Variants in CCDC25 observed in about 807,000 individuals in gnomAD.
CCDC25 encodes coiled-coil domain containing 25.
CCDC25 carries 16 observed loss-of-function variants against 35.3 expected under a neutral mutation model. That is an observed-to-expected ratio of 0.45 (90% CI 0.31 to 0.69). CCDC25 has a LOEUF of 0.69. Among genes scored for constraint, CCDC25 ranks in the 30% least tolerant of loss-of-function variants. The probability of loss-of-function intolerance (pLI) is 0.06; values close to 1 mark genes in which losing one functional copy is unlikely to be tolerated. For synonymous variants in CCDC25, 79 were observed against 80.3 expected, an observed-to-expected ratio of 0.98 and a Z score of 0.09; for missense variants, 179 against 250.7, an observed-to-expected ratio of 0.71 and a Z score of 1.93.
chr8:27,742,451 C>A (rs534799317), intron 7 of CCDC25, among the ~76,000 whole-genome samples: 1 of 152,366 alleles, frequency 6.6e-6, no homozygotes, highest in East Asian at 1.9e-4. Context: ...TCAGTCCTGA[C>A]TGCATCTGAA....
At chr8:27,750,382 G>A (rs970699433) in intron 5 of CCDC25, among the ~76,000 whole-genome samples, 4 of 152,168 alleles carry the variant, frequency 2.6e-5, no homozygotes, top group Admixed American at 2.0e-4. Context: ...TCTATAAAAT[G>A]AAAATAATAT....
intron 8 of CCDC25, among the ~76,000 whole-genome samples, chr8:27,738,314 C>T (rs554547478): frequency 4.8e-4 from 73 of 152,174 alleles, no homozygotes; most frequent in Non-Finnish European, 7.9e-4. Flanking sequence ...TAACAGAAGA[C>T]GGTTACAAGG....
At chr8:27,767,851 C>G (rs2128947822) in intron 1 of CCDC25, among the ~76,000 whole-genome samples, 1 of 151,724 alleles carries the variant, frequency 6.6e-6, no homozygotes, top group East Asian at 1.9e-4. Context: ...AAGGTGTGTG[C>G]AAGAGAAAAA....
chr8:27,762,909 A>C (rs1259650610), intron 2 of CCDC25, among the ~76,000 whole-genome samples: 1 of 152,190 alleles, frequency 6.6e-6, no homozygotes, highest in East Asian at 1.9e-4. Flanking sequence ...AGAAGTATAA[A>C]AAGAAAATAA....
chr8:27,757,148 AAAGG>A (rs1183157824), intron 3 of CCDC25, among the ~76,000 whole-genome samples: 1 of 152,206 alleles, frequency 6.6e-6, no homozygotes, highest in Non-Finnish European at 1.5e-5. Flanking sequence ...AAAACCAAGG[AAAGG>A]AATTTCAGGT....
rs976685483 is a variant in CCDC25, at chr8:27,741,127, C to A, written c.552-610G>T. ...GTGGGAAATCAGGCTGGATGTGGTG[C>A]CCAATTATGTTGTCTTGATTGCACG... On this transcript the variant is annotated intron_variant, in intron 7 of 8. Transcript: ENST00000356537. 3.9e-5 allele frequency among the ~76,000 whole-genome samples: 6 copies of A among 152,130 alleles called. No individual in the cohort carries two copies. In the South Asian group the frequency reaches 1.2e-3, roughly 32 times the overall value.
intron 5 of CCDC25, among the ~76,000 whole-genome samples, chr8:27,750,291 AT>A (rs1343942433): frequency 6.6e-6 from 1 of 152,242 alleles, no homozygotes; most frequent in African/African-American, 2.4e-5. Flanking sequence ...ATGGGTTGAC[AT>A]CAAATCCAGT....
chr8:27,747,910 T>G, intron 7 of CCDC25, 167 bp downstream of exon 7: 1 of 629,342 alleles, frequency 1.6e-6, no homozygotes, highest in Non-Finnish European at 2.8e-6. Flanking sequence ...AACCAACACA[T>G]TAATATAAAT....
intron 7 of CCDC25, among the ~76,000 whole-genome samples, chr8:27,746,999 CT>C: frequency 6.6e-6 from 1 of 152,186 alleles, no homozygotes; most frequent in East Asian, 1.9e-4. Flanking sequence ...ATAAGTAACT[CT>C]TTTTTCTTTT....
chr8:27,762,430 A>G lies in CCDC25; in HGVS notation c.105T>C (p.Pro35=). 6.2e-7 allele frequency: 1 copy of G among 1,613,418 alleles called. No individual in the cohort carries two copies. The highest frequency in any genetic ancestry group is 1.1e-5 in the South Asian group (1 of 90,998). ...AAATTGTTACTTACCAGATATCTTC[A>G]GGCCAGCCATGCTTGATCAGATCTT... is the stretch of plus-strand genomic sequence containing the variant. ...ENEDLIKHGW[P]EDIWFHVDKL... is the part of the protein sequence containing the mutation. The change falls in exon 3 of 9, where the codon CCT becomes CCC. Residue 35 remains proline (P), a synonymous_variant. Transcript: ENST00000356537.
Position 27,747,012 on chromosome 8 carries a change from G to C in CCDC25, c.551+1065C>G, listed in dbSNP as rs183754666. Among the ~76,000 whole-genome samples, 394 of 151,802 alleles carry C rather than the reference G, an allele frequency of 2.6e-3. 1 individual carries two copies. Among genetic ancestry groups the C allele is most frequent in the Non-Finnish European group, 4.2e-3 (284 of 67,918 alleles). ...TTATAAGTAACTCTTTTTTCTTTTTGGCATATGTATTGCAAATAAACAAAC... is the reference window on the plus strand; with the variant it reads ...TTATAAGTAACTCTTTTTTCTTTTTCGCATATGTATTGCAAATAAACAAAC... On this transcript the variant is annotated intron_variant, in intron 7 of 8. Coordinates refer to ENST00000356537, the MANE Select transcript of CCDC25 (RefSeq NM_018246.3).
chr8:27,741,419 G>A (rs1208570363), intron 7 of CCDC25, among the ~76,000 whole-genome samples: 4 of 152,214 alleles, frequency 2.6e-5, no homozygotes, highest in Non-Finnish European at 4.4e-5. Flanking sequence ...AGTGGCTCAC[G>A]CCTGTAATCC....
rs1803101360 is a variant in CCDC25 at position 27,733,356 on chromosome 8, ATCAT to A, written c.*2856_*2859del. On this transcript the variant is annotated 3_prime_UTR_variant, in exon 9 of 9. Transcript: ENST00000356537. ...AAGCTTTTATTATTGTATTTTACAG[ATCAT>A]TCATTCAGGACATGCTGCATCTGGG... 2 of 152,172 alleles carry A rather than the reference ATCAT, an allele frequency of 1.3e-5. No homozygotes were observed. The highest frequency in any genetic ancestry group is 2.1e-4 in the South Asian group (1 of 4,828). 9.4% of individuals were successfully genotyped at this position (152,172 alleles called of 1,614,324 possible).
At chr8:27,751,897 G>A (rs1222850525) in intron 5 of CCDC25, among the ~76,000 whole-genome samples, 1 of 152,110 alleles carries the variant, frequency 6.6e-6, no homozygotes, top group East Asian at 1.9e-4. Context: ...AACCCATGCT[G>A]CACAGGAGAA....
At chr8:27,736,301 A>C in intron 8 of CCDC25, 56 bp from the exon 9 acceptor site, 1 of 1,391,682 alleles carries the variant, frequency 7.2e-7, no homozygotes, top group Non-Finnish European at 1.0e-6. Context: ...TCAATATTTA[A>C]AATTTACAAT....
chr8:27,762,110 T>C (rs2128945428), intron 3 of CCDC25, among the ~76,000 whole-genome samples: 1 of 152,306 alleles, frequency 6.6e-6, no homozygotes, highest in Non-Finnish European at 1.5e-5. Flanking sequence ...TCTTCATTTT[T>C]CCACTCAAGA....
At chr8:27,768,142 C>G (rs1804463910) in intron 1 of CCDC25, among the ~76,000 whole-genome samples, 1 of 152,122 alleles carries the variant, frequency 6.6e-6, no homozygotes, top group South Asian at 2.1e-4. Context: ...CACCACTACA[C>G]TTGCCACTAC....
chr8:27,744,587 A>G (rs1270918730), intron 7 of CCDC25, among the ~76,000 whole-genome samples: 1 of 152,218 alleles, frequency 6.6e-6, no homozygotes, highest in African/African-American at 2.4e-5. Flanking sequence ...CTGTAAGTCT[A>G]TTCCCCAATA....
chr8:27,752,414 T>C (rs1411731488), intron 5 of CCDC25, 98 bp downstream of exon 5: 2 of 907,216 alleles, frequency 2.2e-6, no homozygotes, highest in African/African-American at 1.7e-5. Flanking sequence ...TATTCTTTGA[T>C]GGAGGCCAAA....
Sources: gnomAD v4.1 joint callset for allele counts (sites outside exome capture counted in the v4.1 genomes callset) on GRCh38, gnomAD v4.1.1 for gene constraint, MANE v1.5 for transcripts, NCBI Gene and HGNC (gene_info 2026-07-23, HGNC 2026-07-21) for gene names.